Variants in WDPCP observed in about 807,000 individuals in gnomAD.
WDPCP encodes WD repeat containing planar cell polarity effector, also known as WD repeat-containing and planar cell polarity effector protein fritz homolog.
A neutral mutation model predicts 93.1 loss-of-function variants in WDPCP; 71 were observed. The ratio of observed to expected loss-of-function variants is 0.76; its 90% CI spans 0.63 to 0.93. WDPCP has a LOEUF of 0.93. Among genes scored for constraint, WDPCP ranks in the 40% least tolerant of loss-of-function variants. The probability of loss-of-function intolerance (pLI) is 0.00; values close to 1 mark genes in which losing one functional copy is unlikely to be tolerated. For synonymous variants in WDPCP, 315 were observed against 315.0 expected (o/e 1.00, Z 0.00); for missense variants, 844 against 887.4 (o/e 0.95, Z 0.62).
At chr2:63,437,889 T>G (rs1441369241) in intron 7 of WDPCP, 2 of 1,595,892 alleles carry the variant, frequency 1.3e-6, no homozygotes, top group Non-Finnish European at 1.7e-6. Flanking sequence ...AACATTCCAT[T>G]TTATTTGTGC....
chr2:63,422,004 C>T (rs1304234654), intron 9 of WDPCP, among the ~76,000 whole-genome samples: 3 of 152,194 alleles, frequency 2.0e-5, no homozygotes, highest in Non-Finnish European at 4.4e-5. Context: ...GGCATGGACT[C>T]ATTACGAATA....
At chr2:63,432,783 C>T (rs560507281) in intron 9 of WDPCP, among the ~76,000 whole-genome samples, 1 of 151,880 alleles carries the variant, frequency 6.6e-6, no homozygotes, top group Non-Finnish European at 1.5e-5. Flanking sequence ...TTAGAGACCT[C>T]GAGGTGACCT....
At chr2:63,437,828 G>A in intron 7 of WDPCP, 1 of 1,585,914 alleles carries the variant, frequency 6.3e-7, no homozygotes, top group Non-Finnish European at 8.6e-7. Context: ...TAGAAACAGG[G>A]CTATAAAGGT....
chr2:63,125,231 A>C (rs1049587394), intron 17 of WDPCP, among the ~76,000 whole-genome samples: 1 of 152,260 alleles, frequency 6.6e-6, no homozygotes, highest in African/African-American at 2.4e-5. Context: ...CTTCTGGTAC[A>C]TACGAGAGAC....
At chr2:63,365,396 C>T (rs1200542715) in intron 12 of WDPCP, among the ~76,000 whole-genome samples, 2 of 152,132 alleles carry the variant, frequency 1.3e-5, no homozygotes, top group Non-Finnish European at 2.9e-5. Flanking sequence ...TTGCTAAGAA[C>T]TTTCAAATAT....
intron 1 of WDPCP, among the ~76,000 whole-genome samples, chr2:63,555,455 C>T (rs1363900315): frequency 6.6e-6 from 1 of 152,178 alleles, no homozygotes; most frequent in Non-Finnish European, 1.5e-5. Context: ...CAGTGGGATT[C>T]CCCCCAGTGC....
At chr2:63,166,607 G>C (rs142285219) in intron 15 of WDPCP, among the ~76,000 whole-genome samples, 94 of 150,362 alleles carry the variant, frequency 6.3e-4, no homozygotes, top group African/African-American at 2.2e-3. Context: ...TTGCCGAGCT[G>C]GTCTCGAACT....
intron 14 of WDPCP, among the ~76,000 whole-genome samples, chr2:63,178,494 G>T (rs531369786): frequency 1.3e-5 from 2 of 152,248 alleles, no homozygotes; most frequent in South Asian, 4.1e-4. Flanking sequence ...GTTGGCATAT[G>T]ACTGTTTGTA....
At chr2:63,233,458 A>T in intron 14 of WDPCP, 1 of 183,650 alleles carries the variant, frequency 5.4e-6, no homozygotes, top group Non-Finnish European at 1.2e-5. Flanking sequence ...TTTTCCCAAT[A>T]ATACAAATGA....
chr2:63,666,604 T>C (rs1459049627), intron 2 of WDPCP, among the ~76,000 whole-genome samples: 1 of 152,244 alleles, frequency 6.6e-6, no homozygotes, highest in Non-Finnish European at 1.5e-5. Context: ...AGTTTAGTCC[T>C]GTGTGCTAAT....
chr2:63,587,931 C>T lies in WDPCP; in HGVS notation c.75+266G>A, dbSNP rs145466429. Among the ~76,000 whole-genome samples the T allele has an allele frequency of 7.2e-4, 110 of 152,350 alleles. 1 individual carries two copies. Among genetic ancestry groups the T allele is most frequent in the Middle Eastern group, 6.8e-3 (2 of 294 alleles). ...ACTGTGACCTCCTGGAAGGGAGAGG[C>T]TCACCTCCTACAAAGTAAATGCTCA... On this transcript the variant is annotated intron_variant, in intron 1 of 17. Transcript: ENST00000272321.
At chr2:63,812,753 G>A (rs1575780252) in intron 2 of WDPCP, among the ~76,000 whole-genome samples, 1 of 152,056 alleles carries the variant, frequency 6.6e-6, no homozygotes, top group East Asian at 1.9e-4. Flanking sequence ...TTTGTTACAT[G>A]GCAATAGAAA....
intron 1 of WDPCP, among the ~76,000 whole-genome samples, chr2:63,823,329 T>C (rs995455174): frequency 2.6e-5 from 4 of 151,726 alleles, no homozygotes; most frequent in Non-Finnish European, 5.9e-5. Flanking sequence ...AATACGGTGA[T>C]ACCCCGTCTC....
At chr2:63,317,154 C>T (rs565513512) in intron 12 of WDPCP, among the ~76,000 whole-genome samples, 1 of 152,230 alleles carries the variant, frequency 6.6e-6, no homozygotes, top group African/African-American at 2.4e-5. Flanking sequence ...CTACTACTGA[C>T]ATTTTTCACA....
intron 1 of WDPCP, among the ~76,000 whole-genome samples, chr2:63,496,828 C>T (rs896253348): frequency 6.6e-6 from 1 of 152,048 alleles, no homozygotes; most frequent in African/African-American, 2.4e-5. Context: ...GATGGGGAAG[C>T]AGGCCAGGCG....
chr2:63,789,309 A>T (rs930214110), intron 2 of WDPCP, among the ~76,000 whole-genome samples: 2 of 151,760 alleles, frequency 1.3e-5, no homozygotes, highest in Non-Finnish European at 2.9e-5. Context: ...GCAATTAAGT[A>T]TTTTTTTTCT....
chr2:63,835,676 CA>C, the WDPCP span, among the ~76,000 whole-genome samples: 1 of 151,740 alleles, frequency 6.6e-6, no homozygotes, highest in Non-Finnish European at 1.5e-5. Context: ...CAGAACTTAA[CA>C]TTAGTATTTC....
intron 13 of WDPCP, among the ~76,000 whole-genome samples, chr2:63,303,922 C>CACTG (rs1422614039): frequency 6.7e-6 from 1 of 148,868 alleles, no homozygotes; most frequent in African/African-American, 2.5e-5. Flanking sequence ...ATTAAAACCA[C>CACTG]ACTGACATTT....
At chr2:63,722,642 C>T (rs1292914833) in intron 2 of WDPCP, among the ~76,000 whole-genome samples, 3 of 106,054 alleles carry the variant, frequency 2.8e-5, no homozygotes, top group Non-Finnish European at 6.2e-5. Context: ...CCAGCCGCCC[C>T]GTCCGGGAGG....
Sources: gnomAD v4.1 joint callset for allele counts (sites outside exome capture counted in the v4.1 genomes callset) on GRCh38, gnomAD v4.1.1 for gene constraint, MANE v1.5 for transcripts, NCBI Gene and HGNC (gene_info 2026-07-23, HGNC 2026-07-21) for gene names.